Variants in COG5 observed in about 807,000 individuals in gnomAD.
COG5 encodes the protein component of oligomeric golgi complex 5, also known as conserved oligomeric Golgi complex subunit 5.
COG5 carries 86 observed loss-of-function variants against 110.4 expected under a neutral mutation model. The ratio of observed to expected loss-of-function variants is 0.78; its 90% CI spans 0.65 to 0.93. The LOEUF is 0.93. Ranked by LOEUF, COG5 falls within the 40% of genes least tolerant of loss-of-function variation. The pLI, the probability that COG5 is intolerant of heterozygous loss-of-function variation, is 0.00. For synonymous variants in COG5, 360 were observed against 334.6 expected (o/e 1.08, Z -0.83); for missense variants, 1,077 against 987.0 (o/e 1.09, Z -1.22).
intron 7 of COG5, among the ~76,000 whole-genome samples, chr7:107,410,277 G>T (rs1792183461): frequency 1.3e-5 from 2 of 152,158 alleles, no homozygotes; most frequent in South Asian, 4.2e-4. Context: ...GGTGAAGTTT[G>T]AGAATCATCA....
At chr7:107,477,674 T>G (rs1019517916) in intron 6 of COG5, among the ~76,000 whole-genome samples, 20 of 151,816 alleles carry the variant, frequency 1.3e-4, no homozygotes, top group African/African-American at 4.8e-4. Context: ...TCTAACAGCT[T>G]TTTAATGTGC....
chr7:107,287,996 G>A (rs947248341), intron 12 of COG5, among the ~76,000 whole-genome samples: 1 of 152,082 alleles, frequency 6.6e-6, no homozygotes, highest in African/African-American at 2.4e-5. Flanking sequence ...AAATGTCTAC[G>A]TGAACATATG....
At chr7:107,258,247 A>T (rs1244532752) in intron 15 of COG5, 26 bp downstream of exon 15, 46 of 1,373,298 alleles carry the variant, frequency 3.3e-5, no homozygotes, top group Non-Finnish European at 4.5e-5. Flanking sequence ...AAAATTAAGT[A>T]AAAAAAAACT....
At chr7:107,248,337 G>T in intron 17 of COG5, 59 bp downstream of exon 17, 1 of 1,049,376 alleles carries the variant, frequency 9.5e-7, no homozygotes, top group Non-Finnish European at 1.5e-6. Context: ...TAAGCATAGA[G>T]GTGGGAATAC....
At chr7:107,227,292 T>C (rs139154602) in intron 19 of COG5, among the ~76,000 whole-genome samples, 2 of 152,280 alleles carry the variant, frequency 1.3e-5, no homozygotes, top group East Asian at 3.9e-4. Flanking sequence ...TGTATATAGA[T>C]TTGAGTGTGT....
At chr7:107,294,062 G>T (rs540102777) in intron 12 of COG5, among the ~76,000 whole-genome samples, 3 of 152,030 alleles carry the variant, frequency 2.0e-5, no homozygotes, top group African/African-American at 7.2e-5. Context: ...ACAGAGCAAA[G>T]ACTCCATCTA....
intron 19 of COG5, among the ~76,000 whole-genome samples, chr7:107,227,510 A>C (rs1000428231): frequency 6.6e-6 from 1 of 152,204 alleles, no homozygotes; most frequent in African/African-American, 2.4e-5. Context: ...ATGTTCCTTT[A>C]GAGATTCTTT....
chr7:107,563,042 G>A (rs1215957821), intron 1 of COG5, among the ~76,000 whole-genome samples: 3 of 152,064 alleles, frequency 2.0e-5, no homozygotes, highest in East Asian at 3.8e-4. Context: ...AGGTGAGAAG[G>A]GCTTTATTTT....
At chr7:107,268,179 G>T (rs1300967759) in intron 14 of COG5, among the ~76,000 whole-genome samples, 2 of 152,046 alleles carry the variant, frequency 1.3e-5, no homozygotes, top group Admixed American at 1.3e-4. Flanking sequence ...TCTTGGTCAG[G>T]CTGGTCTCAA....
chr7:107,406,500 G>T (rs1791848113), intron 7 of COG5, among the ~76,000 whole-genome samples: 1 of 151,922 alleles, frequency 6.6e-6, no homozygotes, highest in Non-Finnish European at 1.5e-5. Flanking sequence ...TTTTTAATAT[G>T]AATTTAAAAA....
intron 7 of COG5, among the ~76,000 whole-genome samples, chr7:107,405,545 G>C (rs1198654865): frequency 2.6e-5 from 4 of 152,280 alleles, no homozygotes; most frequent in Middle Eastern, 3.4e-3. Flanking sequence ...GAGGAAGACA[G>C]ACACACACAA....
chr7:107,388,740 C>T (rs933297406), intron 7 of COG5, among the ~76,000 whole-genome samples: 2 of 152,102 alleles, frequency 1.3e-5, no homozygotes, highest in African/African-American at 2.4e-5. Flanking sequence ...ATTACTAATG[C>T]GGGGAAGAGG....
At chr7:107,534,758 A>G (rs894581293) in intron 5 of COG5, among the ~76,000 whole-genome samples, 6 of 151,536 alleles carry the variant, frequency 4.0e-5, no homozygotes, top group Non-Finnish European at 2.9e-5. Flanking sequence ...TAGTCAGATC[A>G]ACGAAACAGA....
At chr7:107,528,727 C>T (rs1288407195) in intron 5 of COG5, among the ~76,000 whole-genome samples, 4 of 152,112 alleles carry the variant, frequency 2.6e-5, no homozygotes, top group Non-Finnish European at 5.9e-5. Flanking sequence ...GCAAGGACAT[C>T]TCCCCTGTTT....
At chr7:107,248,734 T>C (rs1474541182) in intron 16 of COG5, among the ~76,000 whole-genome samples, 2 of 152,076 alleles carry the variant, frequency 1.3e-5, no homozygotes, top group Non-Finnish European at 2.9e-5. Flanking sequence ...TCTTATTTTT[T>C]CCAAAAGGTT....
rs113105813 is a variant in COG5, at chr7:107,451,396, T to A, written c.539-38764A>T. Among the ~76,000 whole-genome samples the A allele has an allele frequency of 6.1e-3, 931 of 152,272 alleles. 3 individuals are homozygous for A. The highest frequency in any genetic ancestry group is 9.6e-3 in the Non-Finnish European group (655 of 68,018). ...ATGGTTCTAATTATTCAAGACTACT[T>A]TTGACTTCTTTTATAACATGGACCC... On this transcript the variant is annotated intron_variant, in intron 6 of 21. Transcript: ENST00000297135.
Position 107,281,321 on chromosome 7 carries a change from G to A in COG5, c.1554C>T (p.Tyr518=), listed in dbSNP as rs1301088284. Residue 518 remains tyrosine (Y), a synonymous_variant, in exon 14 of 22, where the codon TAC becomes TAT. Transcript: ENST00000297135. ...TTACAAGCTGCTCTGATTTTACACTGTATAACTGGATGGTCTTTGCCACAT... is the reference window on the plus strand; with the variant it reads ...TTACAAGCTGCTCTGATTTTACACTATATAACTGGATGGTCTTTGCCACAT... ...SKNVAKTIQL[Y]SVKSEQLLST... The A allele has an allele frequency of 6.2e-7, 1 of 1,612,508 alleles. No homozygotes were observed. Among genetic ancestry groups the A allele is most frequent in the Non-Finnish European group, 8.5e-7 (1 of 1,178,726 alleles).
At chr7:107,347,489 T>C (rs1198215554) in intron 10 of COG5, among the ~76,000 whole-genome samples, 1 of 152,210 alleles carries the variant, frequency 6.6e-6, no homozygotes, top group African/African-American at 2.4e-5. Flanking sequence ...TTTGTTCAAA[T>C]GTGAAGATAA....
chr7:107,209,243 A>G, intron 21 of COG5: 6 of 985,414 alleles, frequency 6.1e-6, no homozygotes, highest in Non-Finnish European at 7.2e-6. Flanking sequence ...TAGAGACGCA[A>G]CAGAGTGGGT....
Sources: allele counts gnomAD v4.1 joint callset (sites outside exome capture counted in the v4.1 genomes callset), GRCh38; gene constraint gnomAD v4.1.1; transcripts MANE v1.5; gene names NCBI Gene and HGNC (gene_info 2026-07-23, HGNC 2026-07-21).